Variants in FMNL3 observed in about 807,000 individuals in gnomAD.
FMNL3 encodes the protein formin-like protein 3.
In FMNL3, 57 loss-of-function variants were observed where a neutral mutation model predicts 119.6. The observed-to-expected ratio is 0.48, with a 90% CI of 0.39 to 0.59. FMNL3 has a LOEUF of 0.59. Among genes scored for constraint, FMNL3 ranks in the 20% least tolerant of loss-of-function variants. The pLI, the probability that FMNL3 is intolerant of heterozygous loss-of-function variation, is 0.00. For synonymous variants in FMNL3, 491 were observed against 507.3 expected, an observed-to-expected ratio of 0.97 and a Z score of 0.43; for missense variants, 1,053 against 1,323.5, an observed-to-expected ratio of 0.80 and a Z score of 3.17.
chr12:49,692,662 T>C (rs752693819), intron 1 of FMNL3, among the ~76,000 whole-genome samples: 1 of 152,230 alleles, frequency 6.6e-6, no homozygotes, highest in Non-Finnish European at 1.5e-5. Context: ...GATTCCCATT[T>C]GCCACAGCCA....
rs1280276310 is a variant in FMNL3, at chr12:49,642,584, G to A, written c.*3231C>T. 2.5e-6 allele frequency: 4 copies of A among 1,614,070 alleles called. No homozygotes were observed. The highest frequency in any genetic ancestry group is 1.7e-5 in the Admixed American group (1 of 60,004). ...GCAGTGCTCTCCTCGTTCAAGGTCC[G>A]TGAGCGTTTTGTGTGTGACTCAGCC... On this transcript the variant is annotated 3_prime_UTR_variant, in exon 26 of 26. Transcript: ENST00000335154. The surrounding 1 kb of genome is among the most constrained non-coding windows in gnomAD (Gnocchi z 5.8).
In FMNL3 at chr12:49,676,272, T is replaced by C. The variant is rs193049348; in HGVS notation, c.127-7718A>G. On this transcript the variant is annotated intron_variant, in intron 1 of 25. Coordinates refer to ENST00000335154, the MANE Select transcript of FMNL3 (RefSeq NM_175736.5). ...GCATTTAGGTATGGCTATGTGATCA[T>C]GTGGGATGTAAACAGAAGTCGTGTG... 2.6e-5 allele frequency among the ~76,000 whole-genome samples: 4 copies of C among 152,314 alleles called. No individual in the cohort carries two copies. In the East Asian group the frequency reaches 7.7e-4, roughly 29 times the overall value.
chr12:49,653,605 C>G, intron 12 of FMNL3, 120 bp downstream of exon 12: 1 of 1,411,636 alleles, frequency 7.1e-7, no homozygotes, highest in African/African-American at 1.4e-5. Flanking sequence ...TCTTGAGAGC[C>G]CTGGTGGGTT....
At position 49,652,145 on chromosome 12, in the gene FMNL3, G is replaced by A. The variant is rs774453528; in HGVS notation, c.1391C>T (p.Ala464Val). The A allele has an allele frequency of 1.9e-6, 3 of 1,613,182 alleles. No individual in the cohort carries two copies. In the Admixed American group the frequency reaches 5.0e-5, roughly 27 times the overall value. ...LRRLIKEKEE[A>V]FQRRCHLEPN... is the part of the protein sequence containing the mutation. ...CTCCAAATGACATCGACGCTGAAAG[G>A]CCTCCTCCTTCTCTTTAATGAGCCT... The change falls in exon 14 of 26, where the codon GCC becomes GTC. Residue 464 changes from alanine (A) to valine (V), a missense_variant. Ala to Val is a moderately conservative substitution (Grantham distance 64, BLOSUM62 0). Transcript: ENST00000335154.
rs373033025 is a variant in FMNL3 at position 49,636,854 on chromosome 12, C to T, written c.*8961G>A. 1.2e-6 allele frequency: 2 copies of T among 1,613,532 alleles called. No individual in the cohort carries two copies. Among genetic ancestry groups the T allele is most frequent in the Non-Finnish European group, 8.5e-7 (1 of 1,179,978 alleles). Reference sequence around the variant, plus strand: ...AAGAATCGGGAGGCCTTCCAGGTATCTTTGCTGTCCTTTCTAGATCAGAGC... The same window carrying T: ...AAGAATCGGGAGGCCTTCCAGGTATTTTTGCTGTCCTTTCTAGATCAGAGC... On this transcript the variant is annotated 3_prime_UTR_variant, in exon 26 of 26. Coordinates refer to ENST00000335154, the MANE Select transcript of FMNL3 (RefSeq NM_175736.5).
intron 1 of FMNL3, among the ~76,000 whole-genome samples, chr12:49,693,607 G>A (rs533466670): frequency 1.5e-5 from 2 of 132,146 alleles, no homozygotes; most frequent in Admixed American, 8.1e-5. Flanking sequence ...GGGCTGAAGT[G>A]ATCCACCCGC....
chr12:49,664,887 T>C (rs1943843765), intron 4 of FMNL3, among the ~76,000 whole-genome samples: 1 of 152,088 alleles, frequency 6.6e-6, no homozygotes, highest in Admixed American at 6.5e-5. Context: ...ATGATGTCAT[T>C]TGGCTGTCTC....
rs894307946 is a variant in FMNL3, at chr12:49,678,528, T to G, written c.127-9974A>C. Among the ~76,000 whole-genome samples the G allele has an allele frequency of 9.2e-5, 14 of 152,050 alleles. 1 individual carries two copies. Among genetic ancestry groups the G allele is most frequent in the African/African-American group, 3.4e-4 (14 of 41,370 alleles). On this transcript the variant is annotated intron_variant, in intron 1 of 25. Coordinates refer to ENST00000335154, the MANE Select transcript of FMNL3 (RefSeq NM_175736.5). ...TCCAGGCTGAAGTGCAGTGGCACAA[T>G]CTTGGCTCACTGCAGCCTCGACCTC...
chr12:49,642,642 C>T lies in FMNL3; in HGVS notation c.*3173G>A, dbSNP rs778960987. The stretch of plus-strand genomic sequence containing the variant: ...AGATCACCCTGGAGTCGGAGCGGAT[C>T]CGGCTCTTCCGGGAGTTCCTACAGG... On this transcript the variant is annotated 3_prime_UTR_variant, in exon 26 of 26. Transcript: ENST00000335154. The surrounding 1 kb of genome is among the most constrained non-coding windows in gnomAD (Gnocchi z 5.8). 7 of 1,614,086 alleles carry T rather than the reference C, an allele frequency of 4.3e-6. No individual in the cohort carries two copies. The Middle Eastern group carries it at 4.9e-4, about 114-fold the overall frequency.
intron 1 of FMNL3, among the ~76,000 whole-genome samples, chr12:49,676,003 C>T (rs945207419): frequency 6.6e-6 from 1 of 152,134 alleles, no homozygotes; most frequent in Non-Finnish European, 1.5e-5. Context: ...GATGTTTCCC[C>T]AATCTGCTGA....
At chr12:49,655,036 G>A in intron 9 of FMNL3, 52 bp from the exon 10 acceptor site, 1 of 1,548,858 alleles carries the variant, frequency 6.5e-7, no homozygotes, top group Non-Finnish European at 8.9e-7. Flanking sequence ...CAGAACCCAA[G>A]CCCCTGCGCT....
chr12:49,651,536 TGA>T (rs1943401559), intron 14 of FMNL3, 86 bp from the exon 15 acceptor site: 8 of 1,095,552 alleles, frequency 7.3e-6, no homozygotes. Flanking sequence ...CCACCTTCTC[TGA>T]GAGTTAAAAA....
rs1942670049 is a variant in FMNL3 at position 49,641,658 on chromosome 12, T to TTA, written c.*4155_*4156dup. ...AAAGTTAATTTTGAGAAACTCAGCA[T>TTA]TAATCAGCAGTTGGGAGACATCTCC... On this transcript the variant is annotated 3_prime_UTR_variant, in exon 26 of 26. Coordinates refer to ENST00000335154, the MANE Select transcript of FMNL3 (RefSeq NM_175736.5). 2 of 483,238 alleles carry TTA rather than the reference T, an allele frequency of 4.1e-6. No individual in the cohort carries two copies. Among genetic ancestry groups the TTA allele is most frequent in the African/African-American group, 3.9e-5 (2 of 51,556 alleles). 29.9% of individuals were successfully genotyped at this position (483,238 alleles called of 1,614,324 possible).
intron 10 of FMNL3, 87 bp downstream of exon 10, chr12:49,654,823 A>G: frequency 8.1e-7 from 1 of 1,241,748 alleles, no homozygotes; most frequent in Non-Finnish European, 1.2e-6. Context: ...TGGAATATCA[A>G]GATACGCTGT....
intron 4 of FMNL3, among the ~76,000 whole-genome samples, 185 bp downstream of exon 4, chr12:49,665,647 G>C (rs553360272): frequency 2.0e-5 from 3 of 152,218 alleles, no homozygotes; most frequent in Non-Finnish European, 4.4e-5. Context: ...GCAGAGCTGA[G>C]GGGGTAGAAA....
chr12:49,648,208 G>A lies in FMNL3; in HGVS notation c.2661C>T (p.Asp887=), dbSNP rs35591687. 522 of 1,613,200 alleles carry A rather than the reference G, an allele frequency of 3.2e-4. No individual in the cohort carries two copies. In the African/African-American group the frequency reaches 4.3e-3, roughly 13 times the overall value. ...CCGTGCTTGCCTCAGCCGTCTTGGC[G>A]TCCCGCTGGAGCTTGTCTAGTTTGC... The part of the protein sequence containing the change: ...NEGKLDKLQR[D]AKTAEEAYNA... Residue 887 remains aspartate (D), a synonymous_variant, in exon 22 of 26, where the codon GAC becomes GAT. Transcript: ENST00000335154.
chr12:49,672,956 G>T (rs1944085954), intron 1 of FMNL3, among the ~76,000 whole-genome samples: 1 of 152,246 alleles, frequency 6.6e-6, no homozygotes, highest in African/African-American at 2.4e-5. Context: ...GACAGGGAGA[G>T]AGACGTTTGT....
In FMNL3 at chr12:49,656,865, G is replaced by C; in HGVS notation, c.749C>G (p.Ala250Gly). The C allele has an allele frequency of 6.2e-7, 1 of 1,614,168 alleles. No individual in the cohort carries two copies. The highest frequency in any genetic ancestry group is 8.5e-7 in the Non-Finnish European group (1 of 1,179,994). ...GAGGCTAAGTGCAATCTCATTGACA[G>C]CATGGGGGTGGGACATGACCAGGTT... ...GFNLVMSHPHAVNEIALSLNN... is the reference protein window; with the variant it reads ...GFNLVMSHPHGVNEIALSLNN... Residue 250 changes from alanine to glycine, a missense_variant, in exon 8 of 26, where the codon GCT (alanine) becomes GGT (glycine). Transcript: ENST00000335154.
intron 4 of FMNL3, 81 bp from the exon 5 acceptor site, chr12:49,662,130 C>A (rs1195560008): frequency 3.1e-6 from 4 of 1,283,782 alleles, no homozygotes; most frequent in Non-Finnish European, 4.5e-6. Flanking sequence ...TCTGACCCAA[C>A]ACCTCCTCCT....
Sources: gnomAD v4.1 joint callset for allele counts (sites outside exome capture counted in the v4.1 genomes callset) on GRCh38, gnomAD v4.1.1 for gene constraint, Gnocchi (gnomAD v3.1) non-coding constraint, MANE v1.5 for transcripts, NCBI Gene and HGNC (gene_info 2026-07-23, HGNC 2026-07-21) for gene names.